TSHZ2: variants seen among roughly 807,000 people sequenced by gnomAD.
TSHZ2 encodes teashirt homolog 2.
TSHZ2 carries 21 observed loss-of-function variants against 74.4 expected under a neutral mutation model. The observed-to-expected ratio is 0.28, with a 90% CI of 0.20 to 0.41. The LOEUF (loss-of-function observed/expected upper bound fraction) is 0.41, where lower values mean the gene tolerates loss of function less well. TSHZ2 is among the 10% of genes least tolerant of loss of function. TSHZ2 has a pLI of 1.00. For synonymous variants in TSHZ2, 540 were observed against 515.3 expected (o/e 1.05, Z -0.65); for missense variants, 1,244 against 1,293.5 (o/e 0.96, Z 0.59).
At chr20:53,362,042 C>T (rs1981077704) in intron 2 of TSHZ2, among the ~76,000 whole-genome samples, 2 of 151,980 alleles carry the variant, frequency 1.3e-5, no homozygotes, top group African/African-American at 2.4e-5. Context: ...GCCTCAGTCT[C>T]CCGAGTAGCT....
chr20:53,075,050 T>C (rs746484227), intron 1 of TSHZ2, among the ~76,000 whole-genome samples: 1 of 152,338 alleles, frequency 6.6e-6, no homozygotes, highest in Admixed American at 6.5e-5. Flanking sequence ...TGACAAAAAA[T>C]TGAATGTCAT....
chr20:53,212,889 G>T (rs900241853), intron 1 of TSHZ2, among the ~76,000 whole-genome samples: 2 of 152,152 alleles, frequency 1.3e-5, no homozygotes, highest in Non-Finnish European at 2.9e-5. Context: ...GGGGGATGAC[G>T]TGCTCCAAAA....
At chr20:53,344,656 C>T (rs1385883817) in intron 2 of TSHZ2, among the ~76,000 whole-genome samples, 1 of 152,158 alleles carries the variant, frequency 6.6e-6, no homozygotes, top group Non-Finnish European at 1.5e-5. Flanking sequence ...GCACCAGTGA[C>T]ACTGTATTTA....
At chr20:53,244,435 G>T (rs1013421039) in intron 1 of TSHZ2, among the ~76,000 whole-genome samples, 1 of 152,100 alleles carries the variant, frequency 6.6e-6, no homozygotes, top group African/African-American at 2.4e-5. Context: ...TTTCTCCTCT[G>T]TTCCTGATTT....
At position 53,001,199 on chromosome 20, in the gene TSHZ2, CAT is replaced by C. The variant is rs1982396263; in HGVS notation, c.40+27867_40+27868del. Among the ~76,000 whole-genome samples the C allele has an allele frequency of 4.9e-5, 3 of 61,356 alleles. No individual in the cohort carries two copies. The South Asian group carries it at 1.6e-3, about 33-fold the overall frequency. The allele number at this position is 61,356 out of a possible 152,430, so 40.3% of individuals were successfully genotyped here. A position where few individuals can be genotyped will look rare whatever the true frequency, so the allele number is the denominator to read the frequency against. ...ACAATGACAATGTTGTGTGTGCGTT[CAT>C]GTGCGTGTGTGTGTGTGTGTGTGTG... On this transcript the variant is annotated intron_variant, in intron 1 of 2. Coordinates refer to ENST00000371497, the MANE Select transcript of TSHZ2 (RefSeq NM_173485.6).
intron 2 of TSHZ2, among the ~76,000 whole-genome samples, chr20:53,285,448 C>T (rs1396539704): frequency 1.3e-5 from 2 of 152,140 alleles, no homozygotes; most frequent in Non-Finnish European, 1.5e-5. Context: ...CGGTGGCTCA[C>T]GCTTGTATCC....
At position 53,491,543 on chromosome 20, in the gene TSHZ2, T is replaced by C. The variant is rs1986446883; in HGVS notation, c.*4408T>C. ...CAAAGTAAAAGCCACTTATCTCCTT[T>C]GGTTCCCAGTGACAGATTCAGAGGC... On this transcript the variant is annotated 3_prime_UTR_variant, in exon 3 of 3. Transcript: ENST00000371497. 1 of 152,236 alleles carries C rather than the reference T, an allele frequency of 6.6e-6. No individual in the cohort carries two copies. Among genetic ancestry groups the C allele is most frequent in the South Asian group, 2.1e-4 (1 of 4,832 alleles). The allele number at this position is 152,236 out of a possible 1,614,324, so 9.4% of individuals were successfully genotyped here.
At chr20:53,130,646 A>T (rs1987077075) in intron 1 of TSHZ2, among the ~76,000 whole-genome samples, 1 of 152,154 alleles carries the variant, frequency 6.6e-6, no homozygotes. Flanking sequence ...TATATAAATA[A>T]AAGTAAATAA....
intron 2 of TSHZ2, among the ~76,000 whole-genome samples, chr20:53,402,418 C>T (rs1046545394): frequency 2.6e-5 from 4 of 152,142 alleles, no homozygotes; most frequent in African/African-American, 9.7e-5. Context: ...GTTGTACATA[C>T]TTGTAGCCTA....
chr20:53,416,316 C>T (rs74539693), intron 2 of TSHZ2, among the ~76,000 whole-genome samples: 3,442 of 152,280 alleles, frequency 0.023, 141 homozygotes, highest in East Asian at 0.17. Context: ...GGAAAGAGCA[C>T]GTGCTGATAC....
chr20:53,245,801 TCA>T (rs1258678709), intron 1 of TSHZ2, among the ~76,000 whole-genome samples: 1 of 152,164 alleles, frequency 6.6e-6, no homozygotes, highest in East Asian at 1.9e-4. Flanking sequence ...CTTGGGATAG[TCA>T]CTCCTATTTG....
chr20:53,238,493 G>A (rs773634179), intron 1 of TSHZ2, among the ~76,000 whole-genome samples: 1 of 152,094 alleles, frequency 6.6e-6, no homozygotes, highest in Non-Finnish European at 1.5e-5. Flanking sequence ...AGTTTGGTTG[G>A]CCAAGCTGGT....
chr20:53,072,381 G>A (rs1205401154), intron 1 of TSHZ2, among the ~76,000 whole-genome samples: 1 of 152,138 alleles, frequency 6.6e-6, no homozygotes, highest in African/African-American at 2.4e-5. Context: ...TTACCACTTG[G>A]GGGAAAGGGG....
At chr20:53,220,976 G>A (rs1989540677) in intron 1 of TSHZ2, among the ~76,000 whole-genome samples, 1 of 152,184 alleles carries the variant, frequency 6.6e-6, no homozygotes, top group Non-Finnish European at 1.5e-5. Context: ...GTTTGGCTGT[G>A]TCCCCACCCA....
chr20:53,259,120 T>C (rs1179841269), intron 2 of TSHZ2, among the ~76,000 whole-genome samples: 1 of 152,200 alleles, frequency 6.6e-6, no homozygotes. Flanking sequence ...ATGATGCATG[T>C]AAGGTTTCTA....
In TSHZ2 at chr20:53,491,046, T is replaced by A. The variant is rs1295076361; in HGVS notation, c.*3911T>A. 1 of 140,646 alleles carries A rather than the reference T, an allele frequency of 7.1e-6. No homozygotes were observed. Among genetic ancestry groups the A allele is most frequent in the Admixed American group, 7.6e-5 (1 of 13,214 alleles). The allele number at this position is 140,646 out of a possible 1,614,324, so 8.7% of individuals were successfully genotyped here. On this transcript the variant is annotated 3_prime_UTR_variant, in exon 3 of 3. Transcript: ENST00000371497. ...TTCATTGAGTTTCATTTTTTAAGCTTGTTAAATGCTTTTGTTTAAAAAAAA... is the reference window on the plus strand; with the variant it reads ...TTCATTGAGTTTCATTTTTTAAGCTAGTTAAATGCTTTTGTTTAAAAAAAA...
intron 1 of TSHZ2, among the ~76,000 whole-genome samples, chr20:52,980,563 T>A (rs1981527035): frequency 6.6e-6 from 1 of 152,218 alleles, no homozygotes; most frequent in South Asian, 2.1e-4. Flanking sequence ...TAAAGCCACA[T>A]CTAAGCCATT....
At chr20:53,312,737 G>A (rs1185245096) in intron 2 of TSHZ2, among the ~76,000 whole-genome samples, 1 of 152,126 alleles carries the variant, frequency 6.6e-6, no homozygotes, top group African/African-American at 2.4e-5. Context: ...CAAAATCCTA[G>A]ATTTTAAAAA....
At chr20:53,468,149 G>A (rs1568931266) in intron 2 of TSHZ2, among the ~76,000 whole-genome samples, 1 of 152,114 alleles carries the variant, frequency 6.6e-6, no homozygotes, top group Non-Finnish European at 1.5e-5. Flanking sequence ...GCTAGTGGAG[G>A]GGGGTGGAGT....
Sources: allele counts gnomAD v4.1 joint callset (sites outside exome capture counted in the v4.1 genomes callset), GRCh38; gene constraint gnomAD v4.1.1; transcripts MANE v1.5; gene names NCBI Gene and HGNC (gene_info 2026-07-23, HGNC 2026-07-21).